CUX1: variants seen among roughly 807,000 people sequenced by gnomAD.
CUX1 encodes the protein protein CASP.
Under a neutral mutation model 158.8 loss-of-function variants are expected in CUX1, and 31 were observed. That is an observed-to-expected ratio of 0.20 (90% CI 0.15 to 0.26). The LOEUF is 0.26. CUX1 is among the 10% of genes least tolerant of loss of function. The probability of loss-of-function intolerance (pLI) is 1.00; values close to 1 mark genes in which losing one functional copy is unlikely to be tolerated. For missense variants in CUX1, 1,589 were observed against 2,014.6 expected (o/e 0.79, Z 4.04); for synonymous variants, 879 against 862.1 (o/e 1.02, Z -0.34).
At chr7:101,907,022 A>G (rs976307401) in intron 1 of CUX1, among the ~76,000 whole-genome samples, 2 of 152,196 alleles carry the variant, frequency 1.3e-5, no homozygotes, top group African/African-American at 2.4e-5. Context: ...TGTGGCCATC[A>G]TTCAGGATTT....
Position 102,251,318 on chromosome 7 carries a change from C to G in CUX1, c.*2276C>G. ...CCACCTCCGTGTGCTTGTTAATTAA[C>G]TTGTAGGACTTTGACTGTAAGATGT... On this transcript the variant is annotated 3_prime_UTR_variant, in exon 24 of 24. Coordinates refer to ENST00000292535, the MANE Select transcript of CUX1 (RefSeq NM_181552.4). The G allele has an allele frequency of 1.0e-6, 1 of 985,234 alleles. No homozygotes were observed. Among genetic ancestry groups the G allele is most frequent in the Middle Eastern group, 5.2e-4 (1 of 1,914 alleles). The allele number at this position is 985,234 out of a possible 1,614,324, so 61.0% of individuals were successfully genotyped here.
intron 14 of CUX1, among the ~76,000 whole-genome samples, chr7:102,268,251 A>G (rs1459313108): frequency 3.3e-5 from 5 of 151,798 alleles, no homozygotes; most frequent in South Asian, 2.1e-4. Context: ...CACACACTCT[A>G]TGCTTCTCAA....
intron 8 of CUX1, among the ~76,000 whole-genome samples, chr7:102,124,455 A>G (rs1416888470): frequency 1.3e-5 from 2 of 152,232 alleles, no homozygotes; most frequent in Non-Finnish European, 2.9e-5. Flanking sequence ...CTTCAGATGA[A>G]TGGATGAAGA....
intron 3 of CUX1, among the ~76,000 whole-genome samples, chr7:102,040,857 C>T (rs1314742348): frequency 1.3e-5 from 2 of 152,216 alleles, no homozygotes; most frequent in South Asian, 2.1e-4. Flanking sequence ...ATCTGTAAAA[C>T]GAGTGGGTTA....
chr7:102,129,295 G>A (rs978945412), intron 8 of CUX1, among the ~76,000 whole-genome samples: 3 of 152,128 alleles, frequency 2.0e-5, no homozygotes, highest in Admixed American at 6.6e-5. Flanking sequence ...ATCTGCATCA[G>A]TCACCATTGA....
At chr7:101,941,784 A>G (rs1464395591) in intron 2 of CUX1, among the ~76,000 whole-genome samples, 1 of 152,170 alleles carries the variant, frequency 6.6e-6, no homozygotes, top group East Asian at 1.9e-4. Flanking sequence ...TGTGTTTTTA[A>G]TTACCCCACG....
chr7:102,046,814 C>T (rs1822877155), intron 3 of CUX1, among the ~76,000 whole-genome samples: 2 of 151,982 alleles, frequency 1.3e-5, no homozygotes, highest in Non-Finnish European at 2.9e-5. Flanking sequence ...CTCCTGGCCT[C>T]AAGCAGTCCT....
intron 1 of CUX1, among the ~76,000 whole-genome samples, chr7:101,851,601 C>T (rs1318524990): frequency 6.6e-6 from 1 of 152,162 alleles, no homozygotes; most frequent in East Asian, 1.9e-4. Context: ...AGATTTGGCT[C>T]CCCGTTTTCT....
At chr7:102,236,853 G>T (rs1221218628) in intron 22 of CUX1, among the ~76,000 whole-genome samples, 3 of 152,164 alleles carry the variant, frequency 2.0e-5, no homozygotes, top group Non-Finnish European at 4.4e-5. Context: ...TCTTTCCCTC[G>T]GCACAGGCTC....
chr7:102,119,094 G>A (rs1405413778), intron 8 of CUX1, among the ~76,000 whole-genome samples: 7 of 152,168 alleles, frequency 4.6e-5, no homozygotes, highest in Non-Finnish European at 1.0e-4. Flanking sequence ...TGTGTGTATA[G>A]CACCTGGCAT....
Position 102,104,368 on chromosome 7 carries a change from C to G in CUX1, c.439C>G (p.Arg147Gly). 1 of 1,609,990 alleles carries G rather than the reference C, an allele frequency of 6.2e-7. No homozygotes were observed. Among genetic ancestry groups the G allele is most frequent in the Non-Finnish European group, 8.5e-7 (1 of 1,179,344 alleles). Residue 147 changes from arginine to glycine, a missense_variant, in exon 6 of 24, where the codon CGA becomes GGA. Coordinates refer to ENST00000292535, the MANE Select transcript of CUX1 (RefSeq NM_181552.4). ...VTIKALKEKI[R>G]EYEQTLKNQA... ...GATAAAAGCACTTAAAGAGAAAATC[C>G]GAGAATATGAACAGACACTGAAGAA...
chr7:101,841,343 T>A (rs980834774), intron 1 of CUX1, among the ~76,000 whole-genome samples: 1 of 152,140 alleles, frequency 6.6e-6, no homozygotes, highest in Non-Finnish European at 1.5e-5. Flanking sequence ...ATTTCTACAT[T>A]CTGTATTTCT....
rs527529818 is a variant in CUX1, at chr7:102,031,530, A to G, written c.189+3385A>G. On this transcript the variant is annotated intron_variant, in intron 3 of 23. Coordinates refer to ENST00000292535, the MANE Select transcript of CUX1 (RefSeq NM_181552.4). Reference sequence around the variant, plus strand: ...GCTTCCATTTGCCTATTTTTTTTTAAAGGCCATATGAAAGCTAATCATAAA... The same window carrying G: ...GCTTCCATTTGCCTATTTTTTTTTAGAGGCCATATGAAAGCTAATCATAAA... Among the ~76,000 whole-genome samples, 4 of 152,246 alleles carry G rather than the reference A, an allele frequency of 2.6e-5. No individual in the cohort carries two copies. The East Asian group carries it at 7.7e-4, about 29-fold the overall frequency.
intron 2 of CUX1, among the ~76,000 whole-genome samples, chr7:101,975,222 G>A (rs934811424): frequency 2.0e-5 from 3 of 151,686 alleles, no homozygotes; most frequent in African/African-American, 7.3e-5. Flanking sequence ...CTGTACTCCA[G>A]CCTGGGCAAC....
chr7:102,271,610 G>A (rs569004769), intron 14 of CUX1, among the ~76,000 whole-genome samples: 29 of 152,108 alleles, frequency 1.9e-4, no homozygotes, highest in Non-Finnish European at 3.1e-4. Flanking sequence ...CCCTGCCCCC[G>A]ACAGTCCTCC....
chr7:102,046,637 C>T (rs1257114445), intron 3 of CUX1, among the ~76,000 whole-genome samples: 1 of 134,880 alleles, frequency 7.4e-6, no homozygotes, highest in East Asian at 2.3e-4. Flanking sequence ...AGTGCAGTTG[C>T]ACGATCACAG....
At chr7:101,984,407 G>A (rs1398110762) in intron 2 of CUX1, among the ~76,000 whole-genome samples, 3 of 148,840 alleles carry the variant, frequency 2.0e-5, no homozygotes, top group East Asian at 2.0e-4. Flanking sequence ...TAAAAACCTC[G>A]ATATACAGCC....
chr7:102,002,120 C>T (rs924481458), intron 2 of CUX1, among the ~76,000 whole-genome samples: 1 of 152,032 alleles, frequency 6.6e-6, no homozygotes, highest in African/African-American at 2.4e-5. Flanking sequence ...ATAACGAGAC[C>T]CCCATCTCTA....
chr7:102,265,280 C>T (rs1790719830), intron 14 of CUX1, among the ~76,000 whole-genome samples: 1 of 151,450 alleles, frequency 6.6e-6, no homozygotes, highest in African/African-American at 2.4e-5. Context: ...TGCTTGAACC[C>T]CGGAGGCAGA....
Sources: allele counts gnomAD v4.1 joint callset (sites outside exome capture counted in the v4.1 genomes callset), GRCh38; gene constraint gnomAD v4.1.1; transcripts MANE v1.5; gene names NCBI Gene and HGNC (gene_info 2026-07-23, HGNC 2026-07-21).